The following LIPA variants were observed in gnomAD, a reference collection of about 807,000 sequenced individuals.
LIPA encodes lysosomal acid lipase/cholesteryl ester hydrolase.
A neutral mutation model predicts 40.6 loss-of-function variants in LIPA; 26 were observed. The observed-to-expected ratio is 0.64, with a 90% confidence interval of 0.47 to 0.89. The LOEUF (loss-of-function observed/expected upper bound fraction) is 0.89. Ranked by LOEUF, LIPA falls within the 40% of genes least tolerant of loss-of-function variation. The pLI, the probability that LIPA is intolerant of heterozygous loss-of-function variation, is 0.00. For synonymous variants in LIPA, 188 were observed against 168.4 expected (o/e 1.12, Z -0.90); for missense variants, 455 against 479.6 (o/e 0.95, Z 0.48).
chr10:89,300,725 G>A (rs911087261), intron 1 of LIPA, among the ~76,000 whole-genome samples: 1 of 152,174 alleles, frequency 6.6e-6, no homozygotes, highest in Non-Finnish European at 1.5e-5. Flanking sequence ...GGTGGCTCAC[G>A]CCTGTAATCC....
At chr10:89,353,637 C>G (rs1843971888) in intron 2 of LIPA, among the ~76,000 whole-genome samples, 1 of 152,188 alleles carries the variant, frequency 6.6e-6, no homozygotes, top group South Asian at 2.1e-4. Context: ...TTAAACCATG[C>G]ACTTGAATCT....
intron 3 of LIPA, among the ~76,000 whole-genome samples, chr10:89,236,937 T>C (rs1842912423): frequency 6.6e-6 from 1 of 152,188 alleles, no homozygotes; most frequent in Non-Finnish European, 1.5e-5. Flanking sequence ...TTAATGCCAA[T>C]AAAAGATGCT....
intron 1 of LIPA, among the ~76,000 whole-genome samples, chr10:89,325,748 T>C (rs1009334139): frequency 1.3e-5 from 2 of 152,168 alleles, no homozygotes; most frequent in Non-Finnish European, 2.9e-5. Flanking sequence ...AAAAACTACC[T>C]ATCATGTACT....
At chr10:89,362,131 T>C (rs1352160003) in intron 2 of LIPA, among the ~76,000 whole-genome samples, 1 of 152,024 alleles carries the variant, frequency 6.6e-6, no homozygotes, top group Non-Finnish European at 1.5e-5. Flanking sequence ...CTTGAACTCC[T>C]AAGCTTAAGC....
chr10:89,358,868 T>C (rs1336412532), intron 2 of LIPA, among the ~76,000 whole-genome samples: 1 of 152,184 alleles, frequency 6.6e-6, no homozygotes, highest in Non-Finnish European at 1.5e-5. Flanking sequence ...GATAGTACAG[T>C]AGGGTGGCTA....
chr10:89,383,912 C>T (rs2133604694), intron 2 of LIPA: 1 of 1,614,188 alleles, frequency 6.2e-7, no homozygotes. Context: ...AGGAATAAGG[C>T]ATTTTCTCTG....
chr10:89,315,121 GC>G (rs1205685972), intron 1 of LIPA, among the ~76,000 whole-genome samples: 13 of 152,296 alleles, frequency 8.5e-5, no homozygotes, highest in Non-Finnish European at 4.4e-5. Context: ...TAACAGAGGT[GC>G]TATTTGTTCT....
intron 2 of LIPA, among the ~76,000 whole-genome samples, chr10:89,373,033 T>C (rs1243471775): frequency 6.6e-6 from 1 of 152,078 alleles, no homozygotes; most frequent in African/African-American, 2.4e-5. Context: ...AGAAATTCAG[T>C]TAGAATTGGA....
rs73369913 is a variant in LIPA, at chr10:89,219,411, T to A, written c.894+3100A>T. On this transcript the variant is annotated intron_variant, in intron 8 of 9. Coordinates refer to ENST00000336233, the MANE Select transcript of LIPA (RefSeq NM_000235.4). ...GCCAGTGAGAAAGTGAGAAGTAATA[T>A]CAAGTCTTGGCTCTGGGGAGCTCCG... 8.3e-3 allele frequency among the ~76,000 whole-genome samples: 1,258 copies of A among 152,260 alleles called. 11 individuals are homozygous for A. The highest frequency in any genetic ancestry group is 0.028 in the African/African-American group (1,161 of 41,534).
At chr10:89,406,020 C>T (rs964918360) in intron 2 of LIPA, 4 of 152,130 alleles carry the variant, frequency 2.6e-5, no homozygotes, top group African/African-American at 7.2e-5. Flanking sequence ...TCATCCATTG[C>T]CCTTAAGAAG....
chr10:89,261,592 A>G (rs72814764), intron 1 of LIPA, among the ~76,000 whole-genome samples: 17,920 of 152,258 alleles, frequency 0.12, 1,075 homozygotes, highest in South Asian at 0.23. Context: ...CTCTTGAAAA[A>G]CAGAGAGAAT....
At chr10:89,386,470 T>C (rs1443925910) in intron 2 of LIPA, among the ~76,000 whole-genome samples, 1 of 152,214 alleles carries the variant, frequency 6.6e-6, no homozygotes, top group Non-Finnish European at 1.5e-5. Context: ...CTTTTCCCTG[T>C]AAACAAGGTG....
intron 2 of LIPA, among the ~76,000 whole-genome samples, chr10:89,400,632 G>C (rs1844408637): frequency 6.6e-6 from 1 of 152,076 alleles, no homozygotes; most frequent in Non-Finnish European, 1.5e-5. Context: ...TTTGTATCCT[G>C]CAATTTTGCT....
chr10:89,311,440 G>A (rs1843514829), intron 1 of LIPA, among the ~76,000 whole-genome samples: 2 of 145,962 alleles, frequency 1.4e-5, no homozygotes, highest in African/African-American at 5.1e-5. Context: ...TGAGGCAGGA[G>A]AATCTCATGA....
chr10:89,310,345 A>G (rs1843508810), intron 1 of LIPA, among the ~76,000 whole-genome samples: 1 of 152,112 alleles, frequency 6.6e-6, no homozygotes, highest in Non-Finnish European at 1.5e-5. Flanking sequence ...TGACATATCC[A>G]ATACAACTGG....
In LIPA at chr10:89,312,834, A is replaced by G. The variant is rs540732099; in HGVS notation, c.-2+29777T>C. 6.3e-4 allele frequency among the ~76,000 whole-genome samples: 95 copies of G among 151,940 alleles called. 1 individual carries two copies. Among genetic ancestry groups the G allele is most frequent in the Admixed American group, 2.4e-3 (36 of 15,262 alleles). On this transcript the variant is annotated intron_variant, in intron 1 of 5. Transcript: ENST00000282673. ...AAAAAAAAAAAATAATAATAATAAT[A>G]ATCCAGTTGACCAAGAGAATGAGAT...
intron 3 of LIPA, among the ~76,000 whole-genome samples, chr10:89,241,772 T>C (rs1161960244): frequency 6.6e-6 from 1 of 152,120 alleles, no homozygotes; most frequent in Non-Finnish European, 1.5e-5. Flanking sequence ...GATGCATAAC[T>C]TTCAGATACA....
intron 1 of LIPA, among the ~76,000 whole-genome samples, chr10:89,315,956 G>A (rs1041414090): frequency 1.3e-5 from 2 of 152,076 alleles, no homozygotes; most frequent in African/African-American, 2.4e-5. Context: ...GGGTACATGT[G>A]CACATTGTGC....
At chr10:89,361,545 C>T (rs1844021592) in intron 2 of LIPA, among the ~76,000 whole-genome samples, 1 of 152,134 alleles carries the variant, frequency 6.6e-6, no homozygotes, top group African/African-American at 2.4e-5. Context: ...TCTGCTATGG[C>T]ATCCTGAGAA....
Sources: allele counts gnomAD v4.1 joint callset (sites outside exome capture counted in the v4.1 genomes callset), GRCh38; gene constraint gnomAD v4.1.1; transcripts MANE v1.5; gene names NCBI Gene and HGNC (gene_info 2026-07-23, HGNC 2026-07-21).